The following GATA4 variants were observed in gnomAD, a reference collection of about 807,000 sequenced individuals.
GATA4 encodes transcription factor GATA-4.
GATA4 carries 7 observed loss-of-function variants against 37.9 expected under a neutral mutation model. The ratio of observed to expected loss-of-function variants is 0.18; its 90% CI spans 0.11 to 0.35. The LOEUF (loss-of-function observed/expected upper bound fraction) is 0.35, where lower values mean the gene tolerates loss of function less well. GATA4 is among the 10% of genes least tolerant of loss of function. The probability of loss-of-function intolerance (pLI) is 1.00; values close to 1 mark genes in which losing one functional copy is unlikely to be tolerated. For synonymous variants in GATA4, 372 were observed against 292.6 expected, an observed-to-expected ratio of 1.27 and a Z score of -2.77; for missense variants, 647 against 653.0, an observed-to-expected ratio of 0.99 and a Z score of 0.10.
chr8:11,692,557 C>T (rs1443764801), upstream of GATA4: 26 of 985,434 alleles, frequency 2.6e-5, no homozygotes, highest in East Asian at 6.8e-4. Context: ...TCTGATCCTT[C>T]GGGCCGCGGC....
At chr8:11,756,615 C>A (rs1802580904) in intron 5 of GATA4, 3 of 429,100 alleles carry the variant, frequency 7.0e-6, no homozygotes, top group Non-Finnish European at 1.3e-5. Flanking sequence ...TTATCTCAGG[C>A]CCTGCTGGAG....
At chr8:11,755,348 C>T (rs1381989065) in intron 5 of GATA4, among the ~76,000 whole-genome samples, 1 of 152,192 alleles carries the variant, frequency 6.6e-6, no homozygotes, top group Admixed American at 6.5e-5. Flanking sequence ...AGGCTCAACT[C>T]AAGCTGGGGC....
chr8:11,741,863 T>G (rs1410824986), intron 2 of GATA4, among the ~76,000 whole-genome samples: 1 of 152,230 alleles, frequency 6.6e-6, no homozygotes, highest in Non-Finnish European at 1.5e-5. Flanking sequence ...AAATTGAGAC[T>G]GATTTTCCAT....
intron 5 of GATA4, 82 bp from the exon 6 acceptor site, chr8:11,756,853 C>T (rs1383931915): frequency 2.5e-6 from 4 of 1,582,692 alleles, no homozygotes; most frequent in Non-Finnish European, 1.7e-6. Context: ...TAGCTTGCAC[C>T]CATCCCGGCT....
rs750807589 is a variant in GATA4 at position 11,750,084 on chromosome 8, A to G, written c.787-27A>G. 2.5e-6 allele frequency: 4 copies of G among 1,613,956 alleles called. No homozygotes were observed. In the Admixed American group the frequency reaches 5.0e-5, roughly 20 times the overall value. ...GGCAGTGCACACCTTTTACTTGGACATGAAGCATTTGTTTCCTGTCTTGCA... is the reference window on the plus strand; with the variant it reads ...GGCAGTGCACACCTTTTACTTGGACGTGAAGCATTTGTTTCCTGTCTTGCA... On this transcript the variant is annotated intron_variant, in intron 3 of 6. Transcript: ENST00000532059.
intron 1 of GATA4, among the ~76,000 whole-genome samples, chr8:11,693,682 C>G (rs1403731414): frequency 2.0e-5 from 3 of 151,918 alleles, no homozygotes; most frequent in Non-Finnish European, 2.9e-5. Context: ...TGAGGCCACA[C>G]CAGGAGGAGG....
At chr8:11,701,356 C>T (rs1368137273), upstream of GATA4, among the ~76,000 whole-genome samples, 1 of 152,156 alleles carries the variant, frequency 6.6e-6, no homozygotes, top group African/African-American at 2.4e-5. Context: ...CCTGTCTACC[C>T]AGGCCAGCCC....
intron 2 of GATA4, among the ~76,000 whole-genome samples, chr8:11,747,949 TC>T (rs1413075417): frequency 6.6e-6 from 1 of 152,160 alleles, no homozygotes; most frequent in African/African-American, 2.4e-5. Context: ...TATGAAAGTC[TC>T]ACAAGGCCGG....
chr8:11,698,067 C>A (rs1799560506), intron 1 of GATA4: 2 of 956,208 alleles, frequency 2.1e-6, no homozygotes, highest in Non-Finnish European at 2.5e-6. Context: ...TCTCCTCCCA[C>A]CCAGGCCCGG....
intron 4 of GATA4, 90 bp from the exon 5 acceptor site, chr8:11,754,956 T>C: frequency 1.0e-6 from 1 of 985,892 alleles, no homozygotes. Context: ...TGCTTAGGTG[T>C]TGCCTTCTCG....
At chr8:11,690,994 C>A (rs1476614653), upstream of GATA4, among the ~76,000 whole-genome samples, 2 of 152,200 alleles carry the variant, frequency 1.3e-5, no homozygotes, top group African/African-American at 4.8e-5. Context: ...GCTCCACCAC[C>A]TTATAAGCGG....
intron 2 of GATA4, among the ~76,000 whole-genome samples, chr8:11,745,590 A>G (rs1420564360): frequency 1.3e-5 from 2 of 152,074 alleles, no homozygotes; most frequent in African/African-American, 4.8e-5. Flanking sequence ...TGTCTCACAA[A>G]AAGTTTTTCT....
intron 2 of GATA4, among the ~76,000 whole-genome samples, chr8:11,746,355 G>A (rs760548367): frequency 1.3e-5 from 2 of 152,186 alleles, no homozygotes; most frequent in Non-Finnish European, 2.9e-5. Context: ...GGGTGAGAGT[G>A]AACCCGGTCT....
In GATA4 at chr8:11,707,843, G is replaced by C. The variant is rs528245399; in HGVS notation, c.-457-13G>C. The C allele has an allele frequency of 1.3e-5, 3 of 228,698 alleles. No individual in the cohort carries two copies. The highest frequency in any genetic ancestry group is 5.4e-5 in the Admixed American group (1 of 18,664). 14.2% of individuals were successfully genotyped at this position (228,698 alleles called of 1,614,324 possible). Reference sequence around the variant, plus strand: ...ATGAACCACCCTCTCTCTTTCTGTCGTTCCTCTTTTAGGACCCCGGCTGCG... The same window carrying C: ...ATGAACCACCCTCTCTCTTTCTGTCCTTCCTCTTTTAGGACCCCGGCTGCG... On this transcript the variant is annotated splice_polypyrimidine_tract_variant and intron_variant, in intron 1 of 6. Transcript: ENST00000532059. The surrounding 1 kb of genome is among the most constrained non-coding windows in gnomAD (Gnocchi z 4.7).
intron 2 of GATA4, among the ~76,000 whole-genome samples, chr8:11,747,690 G>C (rs541177668): frequency 6.6e-6 from 1 of 152,224 alleles, no homozygotes; most frequent in Non-Finnish European, 1.5e-5. Flanking sequence ...GGAATAACTA[G>C]AAATGCACAG....
At chr8:11,742,415 A>G (rs1338296975) in intron 2 of GATA4, among the ~76,000 whole-genome samples, 1 of 119,542 alleles carries the variant, frequency 8.4e-6, no homozygotes, top group Non-Finnish European at 1.7e-5. Flanking sequence ...TTTCCCTTTC[A>G]CAATGTCCTT....
At chr8:11,678,057 T>A (rs116269312) in intron 1 of GATA4, among the ~76,000 whole-genome samples, 119 of 126,448 alleles carry the variant, frequency 9.4e-4, no homozygotes, top group South Asian at 5.8e-3. Flanking sequence ...ATAATAATAA[T>A]AAATAGGAGT....
At position 11,756,926 on chromosome 8, in the gene GATA4, T is replaced by C; in HGVS notation, c.1001-9T>C. The stretch of plus-strand genomic sequence containing the variant: ...CTGATTTGGGTGTGCTGACTCTGCT[T>C]CATTCCAGCTCCTTCAGGCAGTGAG... On this transcript the variant is annotated splice_polypyrimidine_tract_variant and intron_variant, in intron 5 of 6. Transcript: ENST00000532059. 6.2e-7 allele frequency: 1 copy of C among 1,614,220 alleles called. No homozygotes were observed.
chr8:11,739,120 G>A (rs1177722478), intron 2 of GATA4, among the ~76,000 whole-genome samples: 2 of 152,220 alleles, frequency 1.3e-5, no homozygotes, highest in African/African-American at 2.4e-5. Context: ...GAGGATCCCA[G>A]GAAATTGAAG....
Sources: allele counts gnomAD v4.1 joint callset (sites outside exome capture counted in the v4.1 genomes callset), GRCh38; gene constraint gnomAD v4.1.1; non-coding constraint Gnocchi (gnomAD v3.1); transcripts MANE v1.5; gene names NCBI Gene and HGNC (gene_info 2026-07-23, HGNC 2026-07-21).